Variants in SYNE2 observed in about 807,000 individuals in gnomAD.
SYNE2 encodes the protein spectrin repeat containing nuclear envelope protein 2, also known as nesprin-2.
SYNE2 carries 431 observed loss-of-function variants against 856.3 expected under a neutral mutation model. The observed-to-expected ratio is 0.50, with a 90% CI of 0.47 to 0.55. The LOEUF is 0.55. SYNE2 is among the 20% of genes least tolerant of loss of function. The pLI is 0.00. For synonymous variants in SYNE2, 2,923 were observed against 2,872.3 expected, an observed-to-expected ratio of 1.02 and a Z score of -0.56; for missense variants, 8,129 against 8,023.2, an observed-to-expected ratio of 1.01 and a Z score of -0.50.
At chr14:63,770,904 C>T (rs375861516) in intron 1 of SYNE2, among the ~76,000 whole-genome samples, 1 of 152,220 alleles carries the variant, frequency 6.6e-6, no homozygotes. Flanking sequence ...CAGGGTCTCA[C>T]TATATTGCCC....
At chr14:64,191,034 G>A in intron 99 of SYNE2, 1 of 702,276 alleles carries the variant, frequency 1.4e-6, no homozygotes, top group Non-Finnish European at 2.6e-6. Flanking sequence ...TTCCATAGCA[G>A]TGTGCTCAGA....
At chr14:64,141,637 G>A in intron 81 of SYNE2, 114 bp downstream of exon 81, 3 of 1,179,328 alleles carry the variant, frequency 2.5e-6, no homozygotes, top group Non-Finnish European at 2.4e-6. Flanking sequence ...TTTTTCTCTG[G>A]CACCACTGAA....
chr14:63,902,524 A>G (rs570233983), intron 1 of SYNE2, among the ~76,000 whole-genome samples: 5 of 152,048 alleles, frequency 3.3e-5, no homozygotes, highest in African/African-American at 1.2e-4. Context: ...CAGAAGGAGT[A>G]CCCAGGAAAG....
intron 112 of SYNE2, among the ~76,000 whole-genome samples, 178 bp downstream of exon 112, chr14:64,221,882 G>A (rs945386189): frequency 6.6e-6 from 1 of 152,198 alleles, no homozygotes; most frequent in South Asian, 2.1e-4. Flanking sequence ...GCCCTTTGTA[G>A]TTCTGAAGCC....
In SYNE2 at chr14:64,002,796, A is replaced by G. The variant is rs774516834; in HGVS notation, c.3863A>G (p.Glu1288Gly). The change falls in exon 30 of 116, where the codon GAG (glutamate) becomes GGG (glycine). Residue 1288 changes from glutamate to glycine, a missense_variant. Physicochemically the swap from Glu to Gly is moderately conservative, Grantham distance 98 (BLOSUM62 -2). Coordinates refer to ENST00000555002, the MANE Select transcript of SYNE2 (RefSeq NM_182914.3). ...GAGCCAGGCAACTTTGTATTAAAGG[A>G]GTTACACCCATTTGATCTACACGCA... Reference protein sequence around the residue: ...LEEPGNFVLKELHPFDLHAMQ... With the variant: ...LEEPGNFVLKGLHPFDLHAMQ... 8.7e-6 allele frequency: 14 copies of G among 1,612,594 alleles called. No homozygotes were observed. The highest frequency in any genetic ancestry group is 1.2e-5 in the Non-Finnish European group (14 of 1,179,580).
chr14:64,222,335 G>A (rs1479915927), intron 112 of SYNE2, among the ~76,000 whole-genome samples: 1 of 152,158 alleles, frequency 6.6e-6, no homozygotes, highest in Non-Finnish European at 1.5e-5. Context: ...ACCTGTGTCT[G>A]CACTGTCTAA....
chr14:64,180,452 T>G (rs1385270542), intron 96 of SYNE2, among the ~76,000 whole-genome samples: 3 of 152,216 alleles, frequency 2.0e-5, no homozygotes, highest in Non-Finnish European at 4.4e-5. Context: ...ATGACTGTGG[T>G]ATATATTTCC....
intron 32 of SYNE2, 31 bp from the exon 33 acceptor site, chr14:64,016,442 A>G: frequency 1.4e-6 from 2 of 1,451,100 alleles, no homozygotes; most frequent in Non-Finnish European, 1.9e-6. Context: ...ATATCAAAAT[A>G]TCAGAAATAA....
In SYNE2 at chr14:63,880,523, A is replaced by G. The variant is rs1319810267; in HGVS notation, c.-52+27380A>G. On this transcript the variant is annotated intron_variant, in intron 1 of 115. Transcript: ENST00000555002. ...AGAATTCTATGTTATATCAACTACC[A>G]CAACTATTTTTATTTTTATTTTTGT... Among the ~76,000 whole-genome samples, 4 of 152,234 alleles carry G rather than the reference A, an allele frequency of 2.6e-5. No homozygotes were observed. In the South Asian group the frequency reaches 6.2e-4, roughly 24 times the overall value.
intron 84 of SYNE2, among the ~76,000 whole-genome samples, chr14:64,149,098 A>G (rs1467611945): frequency 6.6e-6 from 1 of 151,642 alleles, no homozygotes; most frequent in Non-Finnish European, 1.5e-5. Flanking sequence ...ACTTGAGGCC[A>G]GGAGTTCAAA....
Position 63,927,762 on chromosome 14 carries a change from C to T in SYNE2, c.80-12852C>T, listed in dbSNP as rs974454533. Among the ~76,000 whole-genome samples the T allele has an allele frequency of 2.6e-5, 4 of 151,852 alleles. No homozygotes were observed. In the South Asian group the frequency reaches 6.2e-4, roughly 24 times the overall value. ...CAAAAATTAGCCAGGTGTGGGGTCG[C>T]GCGCCTGCAGTCCCAGCTACTCGGG... On this transcript the variant is annotated intron_variant, in intron 2 of 115. Transcript: ENST00000555002.
chr14:63,826,112 G>A (rs1889419880), intron 1 of SYNE2, among the ~76,000 whole-genome samples: 1 of 152,032 alleles, frequency 6.6e-6, no homozygotes, highest in Admixed American at 6.6e-5. Context: ...AAGTAACTAA[G>A]TTGGAGTTAC....
intron 76 of SYNE2, among the ~76,000 whole-genome samples, chr14:64,130,883 C>CAAAA (rs34083068): frequency 3.0e-5 from 3 of 99,560 alleles, no homozygotes; most frequent in Non-Finnish European, 2.2e-5. Context: ...GACTCTATCT[C>CAAAA]AAAAAAAAAA....
At chr14:63,965,689 A>G (rs1011942775) in intron 10 of SYNE2, among the ~76,000 whole-genome samples, 4 of 152,216 alleles carry the variant, frequency 2.6e-5, no homozygotes, top group African/African-American at 7.2e-5. Flanking sequence ...AAAGAGTTGG[A>G]TAAGTCCAGC....
chr14:64,137,787 C>G lies in SYNE2; in HGVS notation c.14647C>G (p.Gln4883Glu), dbSNP rs754342087. The change falls in exon 79 of 116, where the codon CAA becomes GAA. Residue 4883 changes from glutamine (Q) to glutamate (E), a missense_variant and splice_region_variant. Gln to Glu is a conservative substitution (Grantham distance 29). Transcript: ENST00000555002. ...ATTCTATGACTTTACTTTTTATTAG[C>G]AAATAAAAAGAAACATTGGTGGAAA... ...RLVERISFYQ[Q>E]IKRNIGGKHA... 1 of 1,614,024 alleles carries G rather than the reference C, an allele frequency of 6.2e-7. No homozygotes were observed. Among genetic ancestry groups the G allele is most frequent in the South Asian group, 1.1e-5 (1 of 91,074 alleles).
At chr14:64,067,015 T>G (rs2097363275) in intron 51 of SYNE2, among the ~76,000 whole-genome samples, 1 of 152,244 alleles carries the variant, frequency 6.6e-6, no homozygotes. Flanking sequence ...ACATCTCTTA[T>G]TCAAATTCAG....
rs548524185 is a variant in SYNE2 at position 64,083,242 on chromosome 14, A to AT, written c.11484+1670dup. Among the ~76,000 whole-genome samples, 20 of 149,398 alleles carry AT rather than the reference A, an allele frequency of 1.3e-4. No individual in the cohort carries two copies. In the South Asian group the frequency reaches 3.2e-3, roughly 24 times the overall value. ...TTTTCTTTTCTTCCCCTTGCTTGTG[A>AT]TTTTTTTTGCCTTCCCCCACTTGGA... On this transcript the variant is annotated intron_variant, in intron 57 of 115. Transcript: ENST00000555002.
intron 57 of SYNE2, among the ~76,000 whole-genome samples, chr14:64,087,028 T>A (rs1595426769): frequency 6.8e-6 from 1 of 148,088 alleles, no homozygotes; most frequent in African/African-American, 2.5e-5. Flanking sequence ...ATTTCTTGCA[T>A]GTATACTGTT....
intron 10 of SYNE2, among the ~76,000 whole-genome samples, chr14:63,966,153 G>C (rs1259543382): frequency 6.6e-6 from 1 of 152,036 alleles, no homozygotes; most frequent in Non-Finnish European, 1.5e-5. Context: ...CCCATTTTGT[G>C]AATAAAACGT....
Sources: gnomAD v4.1 joint callset for allele counts (sites outside exome capture counted in the v4.1 genomes callset) on GRCh38, gnomAD v4.1.1 for gene constraint, MANE v1.5 for transcripts, NCBI Gene and HGNC (gene_info 2026-07-23, HGNC 2026-07-21) for gene names.